Variants in SLC4A5 observed in about 807,000 individuals in gnomAD.
The protein encoded by SLC4A5 is electrogenic sodium bicarbonate cotransporter 4.
Under a neutral mutation model 120.4 loss-of-function variants are expected in SLC4A5, and 96 were observed. That is an observed-to-expected ratio of 0.80 (90% CI 0.68 to 0.94). The LOEUF (loss-of-function observed/expected upper bound fraction) is 0.94, where lower values mean the gene tolerates loss of function less well. Ranked by LOEUF, SLC4A5 falls within the 40% of genes least tolerant of loss-of-function variation. SLC4A5 has a pLI of 0.00. For missense variants in SLC4A5, 1,259 were observed against 1,459.5 expected (o/e 0.86, Z 2.24); for synonymous variants, 550 against 571.1 (o/e 0.96, Z 0.53).
At chr2:74,248,388 G>A in exon 18 of SLC4A5, 1 of 1,614,212 alleles carries the variant, frequency 6.2e-7, no homozygotes, top group South Asian at 1.1e-5. Flanking sequence ...CAAAGATGAG[G>A]ATGGGCCCCG....
intron 5 of SLC4A5, among the ~76,000 whole-genome samples, chr2:74,322,305 A>G (rs2104318583): frequency 6.6e-6 from 1 of 152,334 alleles, no homozygotes; most frequent in East Asian, 1.9e-4. Context: ...TTAATGAACT[A>G]GATTTTTATG....
At chr2:74,253,591 C>T (rs1670863528) in intron 14 of SLC4A5, among the ~76,000 whole-genome samples, 1 of 152,092 alleles carries the variant, frequency 6.6e-6, no homozygotes, top group South Asian at 2.1e-4. Context: ...CACATTTAAC[C>T]CTTTCCCATT....
At chr2:74,336,780 T>C (rs186486518) in intron 3 of SLC4A5, among the ~76,000 whole-genome samples, 41 of 152,320 alleles carry the variant, frequency 2.7e-4, no homozygotes, top group African/African-American at 7.9e-4. Context: ...GATATTTTTA[T>C]ATGCCTTGCA....
intron 19 of SLC4A5, among the ~76,000 whole-genome samples, chr2:74,242,840 G>A (rs1670490767): frequency 6.6e-6 from 1 of 152,138 alleles, no homozygotes; most frequent in Admixed American, 6.6e-5. Context: ...TTTTAGTAGA[G>A]ATAAGGTTTC....
intron 5 of SLC4A5, among the ~76,000 whole-genome samples, chr2:74,322,062 C>CA: frequency 6.6e-6 from 1 of 151,986 alleles, no homozygotes; most frequent in Middle Eastern, 3.4e-3. Flanking sequence ...CATCTTGCAA[C>CA]AATGAGGTGA....
At chr2:74,221,702 G>A (rs113770021) in intron 29 of SLC4A5, among the ~76,000 whole-genome samples, 14 of 152,308 alleles carry the variant, frequency 9.2e-5, no homozygotes, top group African/African-American at 3.4e-4. Context: ...GCTAGGGGGT[G>A]TGAGGCATGG....
intron 27 of SLC4A5, among the ~76,000 whole-genome samples, chr2:74,225,361 C>T (rs527959918): frequency 8.5e-5 from 13 of 152,072 alleles, no homozygotes; most frequent in South Asian, 6.2e-4. Context: ...TTTGGGAGGC[C>T]GAGGTGGGCA....
intron 18 of SLC4A5, 147 bp downstream of exon 18, chr2:74,248,206 G>GGCCA (rs1377865409): frequency 2.0e-5 from 22 of 1,100,270 alleles, no homozygotes; most frequent in Admixed American, 4.7e-5. Context: ...AGTCAGGAGG[G>GGCCA]GCCACCTGGT....
At chr2:74,324,069 T>C (rs765772809) in intron 5 of SLC4A5, among the ~76,000 whole-genome samples, 12 of 152,202 alleles carry the variant, frequency 7.9e-5, no homozygotes, top group Admixed American at 7.2e-4. Flanking sequence ...ATTTTAAACG[T>C]TTTAAAGTAA....
At chr2:74,286,658 T>C (rs1257411464) in intron 7 of SLC4A5, among the ~76,000 whole-genome samples, 1 of 152,162 alleles carries the variant, frequency 6.6e-6, no homozygotes, top group Non-Finnish European at 1.5e-5. Flanking sequence ...AGACAGAGAA[T>C]AAACAAGTCA....
At chr2:74,275,948 A>G (rs1056614183) in intron 8 of SLC4A5, among the ~76,000 whole-genome samples, 1 of 152,166 alleles carries the variant, frequency 6.6e-6, no homozygotes, top group Non-Finnish European at 1.5e-5. Flanking sequence ...CACTTTGCAC[A>G]TACCACCCTG....
chr2:74,341,798 A>T (rs1422118501), intron 2 of SLC4A5, among the ~76,000 whole-genome samples: 1 of 152,228 alleles, frequency 6.6e-6, no homozygotes, highest in Non-Finnish European at 1.5e-5. Flanking sequence ...GTAGGCATGG[A>T]TGGTAATTTT....
intron 10 of SLC4A5, 65 bp downstream of exon 10, chr2:74,264,082 C>A (rs112592002): frequency 6.4e-7 from 1 of 1,553,248 alleles, no homozygotes; most frequent in Non-Finnish European, 8.7e-7. Flanking sequence ...GTGGGCTCAC[C>A]CGGGTACCAG....
At chr2:74,263,671 G>GTGT (rs1210147309) in intron 10 of SLC4A5, among the ~76,000 whole-genome samples, 2 of 152,200 alleles carry the variant, frequency 1.3e-5, no homozygotes, top group African/African-American at 4.8e-5. Flanking sequence ...CCACCCTGAT[G>GTGT]TGTTCCATTT....
At chr2:74,337,931 G>A (rs1673535307) in intron 3 of SLC4A5, among the ~76,000 whole-genome samples, 1 of 152,184 alleles carries the variant, frequency 6.6e-6, no homozygotes, top group African/African-American at 2.4e-5. Flanking sequence ...ACTAGGTATC[G>A]TGAAACAGAA....
Position 74,248,495 on chromosome 2 carries a change from A to T in SLC4A5, c.1654-9T>A. On this transcript the variant is annotated splice_polypyrimidine_tract_variant and intron_variant, in intron 17 of 30. Coordinates refer to ENST00000394019, the Ensembl canonical transcript of SLC4A5. Reference sequence around the variant, plus strand: ...AAGCTCTCCATCACTCCCTGGGGGCACAAGGAATGTGTGGTTCAGCATAGG... The same window carrying T: ...AAGCTCTCCATCACTCCCTGGGGGCTCAAGGAATGTGTGGTTCAGCATAGG... 1 of 1,613,818 alleles carries T rather than the reference A, an allele frequency of 6.2e-7. No homozygotes were observed. The highest frequency in any genetic ancestry group is 8.5e-7 in the Non-Finnish European group (1 of 1,179,864).
intron 7 of SLC4A5, among the ~76,000 whole-genome samples, chr2:74,297,909 T>C (rs1672379475): frequency 6.6e-6 from 1 of 152,202 alleles, no homozygotes; most frequent in African/African-American, 2.4e-5. Context: ...TTTGGCTACT[T>C]GAAAGGACAT....
At chr2:74,240,279 C>T (rs1037508846) in intron 20 of SLC4A5, among the ~76,000 whole-genome samples, 20 of 152,110 alleles carry the variant, frequency 1.3e-4, no homozygotes, top group African/African-American at 4.3e-4. Flanking sequence ...TCGCATTCTA[C>T]TTCCTCTTTG....
intron 8 of SLC4A5, among the ~76,000 whole-genome samples, chr2:74,281,124 AC>A (rs1216618129): frequency 6.6e-6 from 1 of 152,172 alleles, no homozygotes; most frequent in African/African-American, 2.4e-5. Context: ...ATCTGGTTTG[AC>A]CCAACAACTG....
Sources: allele counts gnomAD v4.1 joint callset (sites outside exome capture counted in the v4.1 genomes callset), GRCh38; gene constraint gnomAD v4.1.1; transcripts MANE v1.5; gene names NCBI Gene and HGNC (gene_info 2026-07-23, HGNC 2026-07-21).